The following JAZF1 variants were observed in gnomAD, a reference collection of about 807,000 sequenced individuals.
The protein encoded by JAZF1 is JAZF zinc finger 1.
A neutral mutation model predicts 26.4 loss-of-function variants in JAZF1; 8 were observed. The ratio of observed to expected loss-of-function variants is 0.30; its 90% CI spans 0.18 to 0.55. The LOEUF is 0.55. Ranked by LOEUF, JAZF1 falls within the 20% of genes least tolerant of loss-of-function variation. JAZF1 has a pLI of 0.94. For missense variants in JAZF1, 199 were observed against 322.0 expected (o/e 0.62, Z 2.92); for synonymous variants, 126 against 122.3 (o/e 1.03, Z -0.20).
chr7:28,154,858 A>C (rs1394532565), intron 1 of JAZF1, among the ~76,000 whole-genome samples: 1 of 152,116 alleles, frequency 6.6e-6, no homozygotes, highest in Non-Finnish European at 1.5e-5. Flanking sequence ...CAATGATAGA[A>C]GGAAAAAATG....
At chr7:28,024,883 G>A (rs1783066612) in intron 1 of JAZF1, among the ~76,000 whole-genome samples, 1 of 152,204 alleles carries the variant, frequency 6.6e-6, no homozygotes. Context: ...TGTATTGCTT[G>A]ACAAGGATTC....
In JAZF1 at chr7:27,895,254, G is replaced by A. The variant is rs1784040934; in HGVS notation, c.351C>T (p.Thr117=). 6.2e-7 allele frequency: 1 copy of A among 1,608,252 alleles called. No homozygotes were observed. Among genetic ancestry groups the A allele is most frequent in the African/African-American group, 1.3e-5 (1 of 74,818 alleles). ...SLTPPVTPPI[T]PSSSFRSSTP... ...TGCTGCTGCGGAATGAAGAGGAGGG[G>A]GTGATGGGTGGGGTCACGGGGGGAG... Residue 117 remains threonine, a synonymous_variant, in exon 3 of 5, where the codon ACC becomes ACT. Transcript: ENST00000283928.
At chr7:27,893,243 A>G (rs540482439) in intron 3 of JAZF1, among the ~76,000 whole-genome samples, 14 of 152,346 alleles carry the variant, frequency 9.2e-5, no homozygotes, top group Admixed American at 9.1e-4. Flanking sequence ...CTTTTCCCCA[A>G]CTAGTATTTT....
intron 2 of JAZF1, among the ~76,000 whole-genome samples, chr7:27,962,956 T>C (rs1236462481): frequency 1.3e-5 from 2 of 152,186 alleles, no homozygotes; most frequent in African/African-American, 2.4e-5. Context: ...ACAGAAATGA[T>C]CTACCCACTA....
chr7:28,158,192 G>C (rs139560689), intron 1 of JAZF1, among the ~76,000 whole-genome samples: 3 of 135,940 alleles, frequency 2.2e-5, no homozygotes, highest in Non-Finnish European at 4.9e-5. Context: ...CACACAGAGA[G>C]AGAGAGAGAG....
chr7:28,158,974 G>A (rs1783235153), intron 1 of JAZF1, among the ~76,000 whole-genome samples: 1 of 152,156 alleles, frequency 6.6e-6, no homozygotes, highest in Non-Finnish European at 1.5e-5. Flanking sequence ...GCCAGCCACT[G>A]TCCTGGGCCC....
At chr7:27,973,582 A>G (rs1785416009) in intron 2 of JAZF1, among the ~76,000 whole-genome samples, 1 of 152,224 alleles carries the variant, frequency 6.6e-6, no homozygotes, top group Non-Finnish European at 1.5e-5. Flanking sequence ...TACAGGTGTG[A>G]GCCACCATGC....
intron 2 of JAZF1, among the ~76,000 whole-genome samples, chr7:27,941,741 G>A (rs1034319740): frequency 6.6e-6 from 1 of 152,140 alleles, no homozygotes; most frequent in Non-Finnish European, 1.5e-5. Context: ...CATACAATTA[G>A]GGGCTACAGC....
At chr7:28,025,274 CA>C (rs1174809090) in intron 1 of JAZF1, among the ~76,000 whole-genome samples, 1 of 152,214 alleles carries the variant, frequency 6.6e-6, no homozygotes, top group Non-Finnish European at 1.5e-5. Flanking sequence ...ACAACCCAGT[CA>C]ACCCTTTATT....
At chr7:27,896,818 A>T (rs994438573) in intron 2 of JAZF1, among the ~76,000 whole-genome samples, 1 of 152,244 alleles carries the variant, frequency 6.6e-6, no homozygotes, top group African/African-American at 2.4e-5. Context: ...ATCCAGATAT[A>T]TAAACTGGAT....
chr7:27,968,765 C>G (rs17156100), intron 2 of JAZF1, among the ~76,000 whole-genome samples: 18,983 of 152,004 alleles, frequency 0.12, 1,359 homozygotes, highest in African/African-American at 0.19. Context: ...TTATTTGGCC[C>G]AGGAGAACTG....
chr7:27,896,467 GAAAC>G (rs1784064366), intron 2 of JAZF1, among the ~76,000 whole-genome samples: 1 of 152,166 alleles, frequency 6.6e-6, no homozygotes, highest in Non-Finnish European at 1.5e-5. Context: ...CCTAGGCTAA[GAAAC>G]AGAACATTCC....
At chr7:28,168,088 A>G (rs1783395494) in intron 1 of JAZF1, among the ~76,000 whole-genome samples, 1 of 152,168 alleles carries the variant, frequency 6.6e-6, no homozygotes, top group African/African-American at 2.4e-5. Flanking sequence ...ACCAGCATTT[A>G]AAGATGAGTT....
intron 1 of JAZF1, among the ~76,000 whole-genome samples, chr7:28,005,141 C>A (rs1380423213): frequency 6.6e-6 from 1 of 152,080 alleles, no homozygotes; most frequent in Non-Finnish European, 1.5e-5. Flanking sequence ...CTGACAAGAC[C>A]TTTGACTGGG....
chr7:27,936,136 T>G (rs186177400), intron 2 of JAZF1, among the ~76,000 whole-genome samples: 42 of 152,352 alleles, frequency 2.8e-4, no homozygotes, highest in African/African-American at 9.6e-4. Context: ...CTAAAAATGT[T>G]GTTAAAGAAC....
At chr7:28,009,100 G>A (rs534628874) in intron 1 of JAZF1, among the ~76,000 whole-genome samples, 1 of 152,250 alleles carries the variant, frequency 6.6e-6, no homozygotes, top group East Asian at 1.9e-4. Context: ...TTCCACAAAT[G>A]GAAGGCAGAG....
chr7:27,944,083 G>T (rs1784891715), intron 2 of JAZF1, among the ~76,000 whole-genome samples: 1 of 152,006 alleles, frequency 6.6e-6, no homozygotes, highest in Non-Finnish European at 1.5e-5. Flanking sequence ...ATCCTCTACA[G>T]ATGGGCTTAG....
intron 1 of JAZF1, among the ~76,000 whole-genome samples, chr7:28,144,415 G>T (rs1017528934): frequency 3.3e-5 from 5 of 152,222 alleles, no homozygotes; most frequent in African/African-American, 1.2e-4. Context: ...TGTATACACT[G>T]CATTATTCAG....
chr7:28,093,657 C>T (rs1242228485), intron 1 of JAZF1, among the ~76,000 whole-genome samples: 3 of 152,224 alleles, frequency 2.0e-5, no homozygotes, highest in Admixed American at 6.5e-5. Flanking sequence ...ATCCAGTCAG[C>T]TCTCTCAGGC....
Sources: gnomAD v4.1 joint callset for allele counts (sites outside exome capture counted in the v4.1 genomes callset) on GRCh38, gnomAD v4.1.1 for gene constraint, MANE v1.5 for transcripts, NCBI Gene and HGNC (gene_info 2026-07-23, HGNC 2026-07-21) for gene names.